GNA12: variants seen among roughly 807,000 people sequenced by gnomAD.
GNA12 encodes guanine nucleotide-binding protein subunit alpha-12.
GNA12 carries 9 observed loss-of-function variants against 26.0 expected under a neutral mutation model. The observed-to-expected ratio is 0.35, with a 90% CI of 0.21 to 0.60. GNA12 has a LOEUF of 0.60. Among genes scored for constraint, GNA12 ranks in the 20% least tolerant of loss-of-function variants. The pLI is 0.78. For synonymous variants in GNA12, 264 were observed against 219.6 expected (o/e 1.20, Z -1.79); for missense variants, 405 against 525.8 (o/e 0.77, Z 2.25).
At chr7:2,741,065 C>A (rs1430803348) in intron 2 of GNA12, among the ~76,000 whole-genome samples, 1 of 151,800 alleles carries the variant, frequency 6.6e-6, no homozygotes, top group Admixed American at 6.6e-5. Flanking sequence ...AACAAACAAA[C>A]AAACAAATAA....
At chr7:2,791,979 C>T (rs2115452784) in intron 2 of GNA12, among the ~76,000 whole-genome samples, 1 of 152,304 alleles carries the variant, frequency 6.6e-6, no homozygotes, top group Middle Eastern at 3.4e-3. Flanking sequence ...TTATTACAGA[C>T]TTTACAAATG....
At chr7:2,777,920 A>C (rs1792118997) in intron 2 of GNA12, among the ~76,000 whole-genome samples, 2 of 152,216 alleles carry the variant, frequency 1.3e-5, no homozygotes, top group Non-Finnish European at 2.9e-5. Context: ...AAGATCAACT[A>C]AAACTTGTGA....
At chr7:2,765,776 G>A (rs1791781948) in intron 2 of GNA12, among the ~76,000 whole-genome samples, 1 of 151,948 alleles carries the variant, frequency 6.6e-6, no homozygotes, top group East Asian at 1.9e-4. Context: ...GACTATAGGC[G>A]TGTGCCAATA....
intron 2 of GNA12, among the ~76,000 whole-genome samples, chr7:2,774,220 T>C (rs958106985): frequency 6.6e-6 from 1 of 152,170 alleles, no homozygotes; most frequent in Non-Finnish European, 1.5e-5. Context: ...TTAATATAGA[T>C]GCACTTTTAT....
intron 1 of GNA12, among the ~76,000 whole-genome samples, chr7:2,823,940 G>A (rs2107964): frequency 0.22 from 33,427 of 151,978 alleles, 4,391 homozygotes; most frequent in Non-Finnish European, 0.28. Context: ...AGAGAGAAAC[G>A]CTCATTACAT....
At chr7:2,739,736 C>T (rs184998891) in intron 2 of GNA12, among the ~76,000 whole-genome samples, 32 of 152,186 alleles carry the variant, frequency 2.1e-4, no homozygotes, top group Admixed American at 5.9e-4. Context: ...TGTAGTGGTG[C>T]GATCTTGGCT....
intron 2 of GNA12, among the ~76,000 whole-genome samples, chr7:2,759,215 G>C (rs1357814689): frequency 6.6e-6 from 1 of 151,638 alleles, no homozygotes; most frequent in Non-Finnish European, 1.5e-5. Context: ...CCCCATGATG[G>C]ATCTCAAAAT....
chr7:2,830,712 A>G (rs1266541574), intron 1 of GNA12, among the ~76,000 whole-genome samples: 1 of 152,208 alleles, frequency 6.6e-6, no homozygotes, highest in Non-Finnish European at 1.5e-5. Flanking sequence ...CATCAGAGTA[A>G]AGCCCAACCT....
At chr7:2,823,893 CAG>C (rs1562446384) in intron 1 of GNA12, among the ~76,000 whole-genome samples, 3 of 152,068 alleles carry the variant, frequency 2.0e-5, no homozygotes, top group African/African-American at 4.8e-5. Context: ...TTCTAGAAAA[CAG>C]AGATAAGGGC....
At chr7:2,786,108 T>C (rs1212689833) in intron 2 of GNA12, among the ~76,000 whole-genome samples, 1 of 152,106 alleles carries the variant, frequency 6.6e-6, no homozygotes, top group African/African-American at 2.4e-5. Flanking sequence ...AGGGAGGCCA[T>C]GGTGGGAGAT....
intron 2 of GNA12, among the ~76,000 whole-genome samples, chr7:2,737,298 T>TG (rs1249328436): frequency 3.5e-5 from 4 of 114,354 alleles, no homozygotes; most frequent in African/African-American, 7.1e-5. Context: ...TGTTTTTTTT[T>TG]TTTTTTTTGA....
intron 2 of GNA12, among the ~76,000 whole-genome samples, chr7:2,775,654 G>A (rs948256584): frequency 7.9e-5 from 12 of 152,162 alleles, no homozygotes; most frequent in African/African-American, 1.4e-4. Context: ...CTGTTCTAAC[G>A]TGACGGGCTT....
At chr7:2,763,301 C>G (rs867542609) in intron 2 of GNA12, 1 of 189,806 alleles carries the variant, frequency 5.3e-6, no homozygotes, top group Non-Finnish European at 1.0e-5. Flanking sequence ...GAGGCTGAGA[C>G]ACAGCCCGGC....
intron 2 of GNA12, among the ~76,000 whole-genome samples, chr7:2,757,573 C>T (rs954080995): frequency 5.9e-5 from 9 of 152,200 alleles, no homozygotes; most frequent in Admixed American, 4.6e-4. Context: ...CACCAGCCTG[C>T]GAGGTTCCGA....
At chr7:2,799,066 G>A (rs1792746381) in intron 1 of GNA12, among the ~76,000 whole-genome samples, 1 of 152,346 alleles carries the variant, frequency 6.6e-6, no homozygotes, top group South Asian at 2.1e-4. Flanking sequence ...TCTTCAGGAT[G>A]TAGGGTGTGC....
intron 2 of GNA12, among the ~76,000 whole-genome samples, chr7:2,759,280 G>A (rs1201527862): frequency 1.3e-5 from 2 of 152,112 alleles, no homozygotes; most frequent in African/African-American, 4.8e-5. Flanking sequence ...TTTACATGAA[G>A]TTAAAACACA....
At chr7:2,766,074 T>C (rs893070456) in intron 2 of GNA12, among the ~76,000 whole-genome samples, 2 of 152,230 alleles carry the variant, frequency 1.3e-5, no homozygotes, top group African/African-American at 4.8e-5. Context: ...TCCAAAACTT[T>C]TTCATCTTGC....
chr7:2,830,092 C>G (rs1032623456), intron 1 of GNA12, among the ~76,000 whole-genome samples: 8 of 152,202 alleles, frequency 5.3e-5, no homozygotes, highest in African/African-American at 1.9e-4. Context: ...TCTCCCCGAA[C>G]TTTTCCCCGG....
chr7:2,737,297 T>G (rs1340444029), intron 2 of GNA12, among the ~76,000 whole-genome samples: 2 of 113,304 alleles, frequency 1.8e-5, no homozygotes, highest in African/African-American at 3.5e-5. Flanking sequence ...TTGTTTTTTT[T>G]TTTTTTTTTG....
Sources: gnomAD v4.1 joint callset for allele counts (sites outside exome capture counted in the v4.1 genomes callset) on GRCh38, gnomAD v4.1.1 for gene constraint, MANE v1.5 for transcripts, NCBI Gene and HGNC (gene_info 2026-07-23, HGNC 2026-07-21) for gene names.